Variants in ERC2 observed in about 807,000 individuals in gnomAD.
ERC2 encodes the protein ELKS/RAB6-interacting/CAST family member 2, also known as ERC protein 2.
ERC2 carries 42 observed loss-of-function variants against 114.8 expected under a neutral mutation model. That is an observed-to-expected ratio of 0.37 (90% CI 0.29 to 0.47). ERC2 has a LOEUF of 0.47. Among genes scored for constraint, ERC2 ranks in the 20% least tolerant of loss-of-function variants. The probability of loss-of-function intolerance (pLI) is 0.99; values close to 1 mark genes in which losing one functional copy is unlikely to be tolerated. For synonymous variants in ERC2, 454 were observed against 425.5 expected (o/e 1.07, Z -0.82); for missense variants, 939 against 1,150.7 (o/e 0.82, Z 2.66).
chr3:55,639,946 G>A (rs530259569), intron 17 of ERC2, among the ~76,000 whole-genome samples: 9 of 151,806 alleles, frequency 5.9e-5, no homozygotes, highest in Non-Finnish European at 8.8e-5. Context: ...AAGTCTCACC[G>A]TTGCCTCTAA....
At chr3:56,204,914 G>A (rs1442826464) in intron 3 of ERC2, among the ~76,000 whole-genome samples, 2 of 141,494 alleles carry the variant, frequency 1.4e-5, no homozygotes, top group Non-Finnish European at 3.1e-5. Context: ...TTTAACCATG[G>A]GACGTGTCTG....
chr3:56,025,596 A>C (rs906575679), intron 7 of ERC2, among the ~76,000 whole-genome samples: 7 of 152,002 alleles, frequency 4.6e-5, no homozygotes, highest in African/African-American at 1.7e-4. Flanking sequence ...ATAGAAAATC[A>C]CCCTCCTGCT....
At chr3:55,684,051 C>T (rs72873521) in intron 16 of ERC2, among the ~76,000 whole-genome samples, 192 bp from the exon 17 acceptor site, 1,614 of 152,094 alleles carry the variant, frequency 0.011, 30 homozygotes, top group African/African-American at 0.036. Context: ...AATACATAAC[C>T]GGGTTTTGTA....
intron 14 of ERC2, among the ~76,000 whole-genome samples, chr3:55,757,887 A>G (rs975922627): frequency 6.6e-6 from 1 of 152,128 alleles, no homozygotes; most frequent in Non-Finnish European, 1.5e-5. Context: ...TGAGGCTCAG[A>G]TAATATTCCT....
At chr3:55,686,351 TA>T (rs2062331619) in intron 16 of ERC2, among the ~76,000 whole-genome samples, 1 of 152,230 alleles carries the variant, frequency 6.6e-6, no homozygotes, top group African/African-American at 2.4e-5. Flanking sequence ...TTTTAAAGTT[TA>T]AAGTTTTTAA....
chr3:56,465,334 G>A (rs1032198624), intron 1 of ERC2, among the ~76,000 whole-genome samples: 3 of 152,204 alleles, frequency 2.0e-5, no homozygotes, highest in Non-Finnish European at 4.4e-5. Context: ...GGGAGGCAGA[G>A]ATTGCAGTGA....
At chr3:55,839,106 T>C (rs1174434543) in intron 14 of ERC2, among the ~76,000 whole-genome samples, 1 of 151,474 alleles carries the variant, frequency 6.6e-6, no homozygotes, top group Non-Finnish European at 1.5e-5. Context: ...AAAAAACTTA[T>C]AAAGAAACAA....
intron 17 of ERC2, among the ~76,000 whole-genome samples, chr3:55,609,937 C>T (rs1015720021): frequency 4.6e-5 from 7 of 151,820 alleles, no homozygotes; most frequent in Non-Finnish European, 1.0e-4. Flanking sequence ...CTCTGGTGCT[C>T]TCCAATTCCT....
chr3:56,409,203 T>G (rs936358082), intron 2 of ERC2, among the ~76,000 whole-genome samples: 2 of 152,200 alleles, frequency 1.3e-5, no homozygotes, highest in Non-Finnish European at 2.9e-5. Context: ...TCAGAGTGTA[T>G]GCGTGTATGC....
At chr3:56,195,277 G>A (rs6803165) in intron 3 of ERC2, among the ~76,000 whole-genome samples, 12,391 of 152,136 alleles carry the variant, frequency 0.081, 682 homozygotes, top group Admixed American at 0.15. Flanking sequence ...GAAGATTCAC[G>A]TCTTAGGTGG....
chr3:55,689,248 G>A (rs1028795892), intron 16 of ERC2, among the ~76,000 whole-genome samples: 44 of 49,350 alleles, frequency 8.9e-4, no homozygotes, highest in Non-Finnish European at 7.9e-5. Flanking sequence ...ATCTTTAAGT[G>A]CTTCCTCAAT....
chr3:55,687,391 T>C (rs76003387), intron 16 of ERC2, among the ~76,000 whole-genome samples: 1 of 131,088 alleles, frequency 7.6e-6, no homozygotes, highest in South Asian at 2.5e-4. Flanking sequence ...TTTTTTTTTT[T>C]AAAACACCTG....
chr3:56,357,305 A>C (rs1477404182), intron 2 of ERC2, among the ~76,000 whole-genome samples: 3 of 152,180 alleles, frequency 2.0e-5, no homozygotes, highest in African/African-American at 7.2e-5. Flanking sequence ...ACCTCACAAC[A>C]ATCCTTACAC....
intron 17 of ERC2, among the ~76,000 whole-genome samples, chr3:55,563,519 T>C (rs2056173754): frequency 1.3e-5 from 2 of 152,098 alleles, no homozygotes; most frequent in Non-Finnish European, 1.5e-5. Flanking sequence ...CAGTGATGGG[T>C]TCAAGGTTGG....
At chr3:55,764,404 C>T (rs75157885) in intron 14 of ERC2, among the ~76,000 whole-genome samples, 2,392 of 152,334 alleles carry the variant, frequency 0.016, 29 homozygotes, top group Non-Finnish European at 0.026. Flanking sequence ...TACTTACTAA[C>T]GGGATCTTTT....
At chr3:55,553,242 G>A (rs1450007258) in intron 17 of ERC2, among the ~76,000 whole-genome samples, 1 of 151,346 alleles carries the variant, frequency 6.6e-6, no homozygotes, top group Non-Finnish European at 1.5e-5. Flanking sequence ...TGCTGGTCTT[G>A]AACTTCTGAC....
At chr3:56,171,284 C>T (rs549642974) in intron 4 of ERC2, among the ~76,000 whole-genome samples, 18 of 152,260 alleles carry the variant, frequency 1.2e-4, no homozygotes, top group African/African-American at 4.1e-4. Flanking sequence ...CAGCCTCCAG[C>T]CTGAGCTATA....
At chr3:55,891,727 G>T (rs980650326) in intron 13 of ERC2, among the ~76,000 whole-genome samples, 1 of 152,086 alleles carries the variant, frequency 6.6e-6, no homozygotes, top group Non-Finnish European at 1.5e-5. Context: ...TTACAGGCAT[G>T]AGCCAACTGT....
At chr3:55,720,085 T>C (rs867183683) in intron 15 of ERC2, among the ~76,000 whole-genome samples, 2 of 13,220 alleles carry the variant, frequency 1.5e-4, no homozygotes, top group African/African-American at 2.8e-4. Context: ...CCCTCCCCCT[T>C]CCCCTCCCCC....
Sources: allele counts gnomAD v4.1 joint callset (sites outside exome capture counted in the v4.1 genomes callset), GRCh38; gene constraint gnomAD v4.1.1; transcripts MANE v1.5; gene names NCBI Gene and HGNC (gene_info 2026-07-23, HGNC 2026-07-21).